Variants in CFAP46 observed in about 807,000 individuals in gnomAD.
CFAP46 encodes cilia- and flagella-associated protein 46.
Under a neutral mutation model 325.7 loss-of-function variants are expected in CFAP46, and 245 were observed. That is an observed-to-expected ratio of 0.75 (90% CI 0.68 to 0.84). CFAP46 has a LOEUF of 0.84. Ranked by LOEUF, CFAP46 falls within the 40% of genes least tolerant of loss-of-function variation. CFAP46 has a pLI of 0.00. For synonymous variants in CFAP46, 1,523 were observed against 1,495.9 expected, an observed-to-expected ratio of 1.02 and a Z score of -0.42; for missense variants, 3,346 against 3,543.0, an observed-to-expected ratio of 0.94 and a Z score of 1.41.
rs771553489 is a variant in CFAP46 at position 132,810,501 on chromosome 10, A to G, written c.7584-12T>C. The G allele has an allele frequency of 6.2e-7, 1 of 1,608,416 alleles. No homozygotes were observed. The highest frequency in any genetic ancestry group is 8.5e-7 in the Non-Finnish European group (1 of 1,175,992). On this transcript the variant is annotated splice_polypyrimidine_tract_variant and intron_variant, in intron 56 of 57. Coordinates refer to ENST00000368586, the MANE Select transcript of CFAP46 (RefSeq NM_001200049.3). ...AACGGCCAACAGATCTAGGGGAGAA[A>G]CGTCCCCTCAGGAGGGCATGGACAC...
chr10:132,892,270 T>C lies in CFAP46; in HGVS notation c.3304+63A>G, dbSNP rs1016349397. 31 of 1,458,558 alleles carry C rather than the reference T, an allele frequency of 2.1e-5. No individual in the cohort carries two copies. The African/African-American group carries it at 3.0e-4, about 14-fold the overall frequency. The allele number at this position is 1,458,558 out of a possible 1,614,324, so 90.4% of individuals were successfully genotyped here. On this transcript the variant is annotated intron_variant, in intron 25 of 57. Transcript: ENST00000368586. ...AATTTAAAAGCACCACGTTTAAAAT[T>C]GGCTCAAGTCCTTCCCTTTCCTTGT...
In CFAP46 at chr10:132,877,666, G is replaced by T. The variant is rs545767626; in HGVS notation, c.4212+215C>A. Among the ~76,000 whole-genome samples, 3 of 152,142 alleles carry T rather than the reference G, an allele frequency of 2.0e-5. No individual in the cohort carries two copies. The highest frequency in any genetic ancestry group is 2.0e-4 in the Admixed American group (3 of 15,294). ...AACCCTGACAGGGAGAGAAACTGAG[G>T]CACAGAGGCCAGCCGGGGCCCAGCC... On this transcript the variant is annotated intron_variant, in intron 30 of 57. Coordinates refer to ENST00000368586, the MANE Select transcript of CFAP46 (RefSeq NM_001200049.3). This position sits in a 1 kb window ranked among gnomAD's most constrained non-coding sequence, Gnocchi z 5.7.
rs1848449800 is a variant in CFAP46 at position 132,847,046 on chromosome 10, C to A, written c.6153G>T (p.Gln2051His). 1 of 1,612,470 alleles carries A rather than the reference C, an allele frequency of 6.2e-7. No homozygotes were observed. The highest frequency in any genetic ancestry group is 1.1e-5 in the South Asian group (1 of 91,038). ...QASEVLLQCL[Q>H]VALGSGLLDV... ...CCAGGAGGCCACTGCCAAGGGCCAC[C>A]TGTAGGCACTGCAGCAGCACCTCTG... The change falls in exon 43 of 58, where the codon CAG becomes CAT. Residue 2051 changes from glutamine (Q) to histidine (H), a missense_variant. Coordinates refer to ENST00000368586, the MANE Select transcript of CFAP46 (RefSeq NM_001200049.3). This position sits in a 1 kb window ranked among gnomAD's most constrained non-coding sequence, Gnocchi z 5.2.
chr10:132,823,512 ATGTGTGCTGTGTGTGCTGTGTGCGC>A (rs1847941709), intron 50 of CFAP46, among the ~76,000 whole-genome samples: 3 of 75,782 alleles, frequency 4.0e-5, no homozygotes, highest in South Asian at 1.2e-3. Context: ...CTGTGTGCTG[ATGTGTGCTGTGTGTGCTGTGTGCGC>A]TGTGTGCTGT....
At chr10:132,915,551 G>A (rs960216822) in intron 17 of CFAP46, among the ~76,000 whole-genome samples, 17 of 151,720 alleles carry the variant, frequency 1.1e-4, no homozygotes, top group African/African-American at 2.4e-4. Flanking sequence ...CGGCGAGGGC[G>A]GGGCGCCGTG....
At chr10:132,868,226 G>A (rs996705082) in intron 33 of CFAP46, among the ~76,000 whole-genome samples, 8 of 152,132 alleles carry the variant, frequency 5.3e-5, no homozygotes, top group African/African-American at 1.7e-4. Context: ...ACCACATCGC[G>A]CTGGCCACCC....
chr10:132,834,167 C>T (rs577121268), intron 48 of CFAP46, 44 bp from the exon 49 acceptor site: 1 of 1,586,468 alleles, frequency 6.3e-7, no homozygotes, highest in Admixed American at 1.7e-5. Context: ...ACAGAGATAA[C>T]AAACGCTTGG....
intron 16 of CFAP46, among the ~76,000 whole-genome samples, chr10:132,917,749 T>G (rs937549950): frequency 3.9e-5 from 6 of 152,160 alleles, no homozygotes; most frequent in African/African-American, 1.4e-4. Context: ...GCACAGAAGG[T>G]TCTATGACAA....
At position 132,912,839 on chromosome 10, in the gene CFAP46, A is replaced by G. The variant is rs1363936122; in HGVS notation, c.2334-19T>C. On this transcript the variant is annotated intron_variant, in intron 18 of 57. Coordinates refer to ENST00000368586, the MANE Select transcript of CFAP46 (RefSeq NM_001200049.3). ...GGGGTCCCTGGGAGACATGCTTGTCAGAGGGAACCTTGGCCCCCGCAGGCC... is the reference window on the plus strand; with the variant it reads ...GGGGTCCCTGGGAGACATGCTTGTCGGAGGGAACCTTGGCCCCCGCAGGCC... 6.5e-7 allele frequency: 1 copy of G among 1,545,888 alleles called. No individual in the cohort carries two copies. The highest frequency in any genetic ancestry group is 8.7e-7 in the Non-Finnish European group (1 of 1,146,292).
At chr10:132,834,811 C>T (rs1848211920) in intron 47 of CFAP46, 36 bp from the exon 48 acceptor site, 2 of 1,600,946 alleles carry the variant, frequency 1.2e-6, no homozygotes, top group East Asian at 2.2e-5. Context: ...CCGTAGCAAA[C>T]AGGGCGCATG....
In CFAP46 at chr10:132,869,717, T is replaced by C. The variant is rs1848870554; in HGVS notation, c.4512-345A>G. Among the ~76,000 whole-genome samples the C allele has an allele frequency of 6.6e-6, 1 of 152,066 alleles. No individual in the cohort carries two copies. The highest frequency in any genetic ancestry group is 6.5e-5 in the Admixed American group (1 of 15,276). On this transcript the variant is annotated intron_variant, in intron 32 of 57. Coordinates refer to ENST00000368586, the MANE Select transcript of CFAP46 (RefSeq NM_001200049.3). The surrounding 1 kb of genome is among the most constrained non-coding windows in gnomAD (Gnocchi z 6.2). ...CGACTCCTGTTGAAAACCCTATTCT[T>C]GTAAAATGCTTTCAGGCAAGCAGGA...
At chr10:132,830,294 C>T (rs958848466) in intron 50 of CFAP46, among the ~76,000 whole-genome samples, 1 of 152,108 alleles carries the variant, frequency 6.6e-6, no homozygotes, top group South Asian at 2.1e-4. Context: ...CAGGCACATG[C>T]CACCACACCC....
intron 17 of CFAP46, among the ~76,000 whole-genome samples, chr10:132,915,352 C>G (rs1015545525): frequency 6.6e-6 from 1 of 152,222 alleles, no homozygotes; most frequent in Non-Finnish European, 1.5e-5. Context: ...GGCCTGGGCC[C>G]GGTGGCTCCT....
intron 16 of CFAP46, among the ~76,000 whole-genome samples, chr10:132,917,381 C>T (rs1849656816): frequency 1.3e-5 from 2 of 152,248 alleles, no homozygotes; most frequent in African/African-American, 2.4e-5. Context: ...GCTGCGAGCT[C>T]GGACCCGAGG....
chr10:132,909,167 G>A lies in CFAP46; in HGVS notation c.2727C>T (p.Leu909=). The change falls in exon 21 of 58, where the codon CTC becomes CTT. Residue 909 remains leucine (L), a synonymous_variant. Coordinates refer to ENST00000368586, the MANE Select transcript of CFAP46 (RefSeq NM_001200049.3). ...LEMYSCNGLG[L]MDFTVPSLAQ... ...CCAGGGAGGGGACAGTGAAGTCCAT[G>A]AGGCCCAGCCCGTTGCATGAGTACA... 6.5e-7 allele frequency: 1 copy of A among 1,550,038 alleles called. No individual in the cohort carries two copies. The highest frequency in any genetic ancestry group is 8.7e-7 in the Non-Finnish European group (1 of 1,146,884).
intron 8 of CFAP46, among the ~76,000 whole-genome samples, chr10:132,933,051 A>G (rs1849937160): frequency 6.6e-6 from 1 of 152,232 alleles, no homozygotes; most frequent in South Asian, 2.1e-4. Flanking sequence ...GAGTAATCAC[A>G]GTCTTACCGG....
Position 132,937,069 on chromosome 10 carries a change from G to A in CFAP46, c.661-14C>T, listed in dbSNP as rs372114534. 4.9e-4 allele frequency: 699 copies of A among 1,437,916 alleles called. No homozygotes were observed. Among genetic ancestry groups the A allele is most frequent in the Non-Finnish European group, 6.1e-4 (655 of 1,068,182 alleles). 89.1% of individuals were successfully genotyped at this position (1,437,916 alleles called of 1,614,324 possible). A position where few individuals can be genotyped will look rare whatever the true frequency, so the allele number is the denominator to read the frequency against. On this transcript the variant is annotated splice_polypyrimidine_tract_variant and intron_variant, in intron 6 of 57. Coordinates refer to ENST00000368586, the MANE Select transcript of CFAP46 (RefSeq NM_001200049.3). ...TTCATGACGAACCTGTCATAAAATG[G>A]AGCAGATTATTAATCTGGATTCAAA...
At chr10:132,905,226 G>A (rs1409984413) in intron 22 of CFAP46, among the ~76,000 whole-genome samples, 4 of 152,194 alleles carry the variant, frequency 2.6e-5, no homozygotes, top group Non-Finnish European at 5.9e-5. Context: ...TCATTGGAGA[G>A]TCCGGCTGTA....
At chr10:132,875,844 C>T (rs1848950311) in intron 31 of CFAP46, among the ~76,000 whole-genome samples, 1 of 152,170 alleles carries the variant, frequency 6.6e-6, no homozygotes, top group African/African-American at 2.4e-5. Context: ...AAAAAACTGA[C>T]TAATTACAAA....
Sources: allele counts gnomAD v4.1 joint callset (sites outside exome capture counted in the v4.1 genomes callset), GRCh38; gene constraint gnomAD v4.1.1; non-coding constraint Gnocchi (gnomAD v3.1); transcripts MANE v1.5; gene names NCBI Gene and HGNC (gene_info 2026-07-23, HGNC 2026-07-21).